The following PLCB1 variants were observed in gnomAD, a reference collection of about 807,000 sequenced individuals.
PLCB1 encodes 1-phosphatidylinositol 4,5-bisphosphate phosphodiesterase beta-1.
A neutral mutation model predicts 161.8 loss-of-function variants in PLCB1; 46 were observed. That is an observed-to-expected ratio of 0.28 (90% CI 0.22 to 0.36). PLCB1 has a LOEUF of 0.36. PLCB1 is among the 10% of genes least tolerant of loss of function. The pLI, the probability that PLCB1 is intolerant of heterozygous loss-of-function variation, is 1.00. For synonymous variants in PLCB1, 517 were observed against 503.7 expected (o/e 1.03, Z -0.35); for missense variants, 1,016 against 1,472.5 (o/e 0.69, Z 5.07).
At chr20:8,313,902 C>T (rs1984522111) in intron 2 of PLCB1, among the ~76,000 whole-genome samples, 1 of 152,130 alleles carries the variant, frequency 6.6e-6, no homozygotes, top group African/African-American at 2.4e-5. Context: ...ACTTTATAGT[C>T]ATGATTATTT....
chr20:8,744,988 G>A (rs930426842), intron 23 of PLCB1, among the ~76,000 whole-genome samples: 11 of 152,076 alleles, frequency 7.2e-5, no homozygotes, highest in African/African-American at 2.4e-4. Context: ...TGATCAGAAA[G>A]CATTTTTAGA....
intron 3 of PLCB1, among the ~76,000 whole-genome samples, chr20:8,548,068 A>C (rs3920503): frequency 0.076 from 11,289 of 148,780 alleles, 519 homozygotes; most frequent in East Asian, 0.17. Flanking sequence ...CTCCCTTCCT[A>C]CCTTCCTCCC....
intron 3 of PLCB1, among the ~76,000 whole-genome samples, chr20:8,397,301 A>T (rs1453811691): frequency 6.6e-6 from 1 of 152,100 alleles, no homozygotes; most frequent in Non-Finnish European, 1.5e-5. Flanking sequence ...ATACTCCAAG[A>T]TTATTAAAAT....
intron 2 of PLCB1, among the ~76,000 whole-genome samples, chr20:8,323,123 G>T (rs1984990257): frequency 6.6e-6 from 1 of 152,076 alleles, no homozygotes; most frequent in Admixed American, 6.6e-5. Flanking sequence ...GCATAAACTT[G>T]ATTATATGCA....
chr20:8,451,076 C>T (rs1452549829), intron 3 of PLCB1, among the ~76,000 whole-genome samples: 1 of 152,132 alleles, frequency 6.6e-6, no homozygotes, highest in East Asian at 1.9e-4. Context: ...TAAATCTTTA[C>T]AATAATATAT....
chr20:8,829,355 G>A (rs1001536956), intron 31 of PLCB1, among the ~76,000 whole-genome samples: 2 of 152,270 alleles, frequency 1.3e-5, no homozygotes, highest in East Asian at 1.9e-4. Context: ...GTGTGTGCCC[G>A]CTGACCTCCC....
chr20:8,587,382 G>A (rs1987022738), intron 3 of PLCB1, among the ~76,000 whole-genome samples: 1 of 152,042 alleles, frequency 6.6e-6, no homozygotes, highest in South Asian at 2.1e-4. Flanking sequence ...AGGGTGTGTG[G>A]CCATTTGACT....
At chr20:8,418,974 A>G (rs1254940098) in intron 3 of PLCB1, among the ~76,000 whole-genome samples, 1 of 152,178 alleles carries the variant, frequency 6.6e-6, no homozygotes, top group Non-Finnish European at 1.5e-5. Flanking sequence ...CTCAGTCTAT[A>G]TAAAATATTT....
At chr20:8,138,226 T>A (rs1305242515) in intron 1 of PLCB1, among the ~76,000 whole-genome samples, 1 of 152,258 alleles carries the variant, frequency 6.6e-6, no homozygotes, top group African/African-American at 2.4e-5. Context: ...TTAGTTTCAT[T>A]TGAAAGTTTA....
At chr20:8,217,547 G>A (rs559238996) in intron 2 of PLCB1, among the ~76,000 whole-genome samples, 1 of 152,238 alleles carries the variant, frequency 6.6e-6, no homozygotes, top group African/African-American at 2.4e-5. Flanking sequence ...GAATTTGTGA[G>A]ACTGTGATAT....
intron 31 of PLCB1, among the ~76,000 whole-genome samples, chr20:8,793,538 G>A (rs887265794): frequency 2.3e-5 from 2 of 85,996 alleles, no homozygotes. Flanking sequence ...GGTAGGATCC[G>A]TGATGCCCCC....
At chr20:8,444,425 C>A (rs1007053289) in intron 3 of PLCB1, among the ~76,000 whole-genome samples, 1 of 152,214 alleles carries the variant, frequency 6.6e-6, no homozygotes, top group African/African-American at 2.4e-5. Flanking sequence ...ATATGTGCCA[C>A]ATTTTCTTAA....
intron 2 of PLCB1, among the ~76,000 whole-genome samples, chr20:8,214,211 T>C (rs537905088): frequency 1.3e-5 from 2 of 152,218 alleles, no homozygotes; most frequent in East Asian, 1.9e-4. Context: ...TGGATCTGTG[T>C]CGCTGCACAA....
intron 9 of PLCB1, among the ~76,000 whole-genome samples, chr20:8,661,938 A>T (rs1397346566): frequency 2.8e-5 from 1 of 35,672 alleles, no homozygotes; most frequent in Non-Finnish European, 6.9e-5. Flanking sequence ...TCCTCTTAAA[A>T]GTGTATATAT....
At chr20:8,556,911 A>C (rs1251745549) in intron 3 of PLCB1, among the ~76,000 whole-genome samples, 2 of 151,716 alleles carry the variant, frequency 1.3e-5, no homozygotes, top group African/African-American at 2.4e-5. Context: ...ATCCCTCAGG[A>C]AATGTGAATC....
intron 3 of PLCB1, among the ~76,000 whole-genome samples, chr20:8,445,481 G>T (rs1362396334): frequency 1.3e-5 from 2 of 151,852 alleles, no homozygotes; most frequent in African/African-American, 4.8e-5. Flanking sequence ...CAGGTAGCAT[G>T]ATGCCTCCAG....
chr20:8,793,311 T>C (rs1983856394), intron 31 of PLCB1, among the ~76,000 whole-genome samples: 1 of 152,156 alleles, frequency 6.6e-6, no homozygotes, highest in South Asian at 2.1e-4. Flanking sequence ...GTAACCTTCT[T>C]ATGAAGAAGA....
intron 3 of PLCB1, among the ~76,000 whole-genome samples, chr20:8,565,293 C>A (rs1419114769): frequency 6.6e-6 from 1 of 151,956 alleles, no homozygotes; most frequent in Non-Finnish European, 1.5e-5. Context: ...ACAATGAGAA[C>A]ACACGGACAC....
chr20:8,823,636 A>T (rs544019963), intron 31 of PLCB1, among the ~76,000 whole-genome samples: 1 of 152,276 alleles, frequency 6.6e-6, no homozygotes, highest in South Asian at 2.1e-4. Context: ...CCATTTTTGA[A>T]CAAGGCCATT....
Sources: gnomAD v4.1 joint callset for allele counts (sites outside exome capture counted in the v4.1 genomes callset) on GRCh38, gnomAD v4.1.1 for gene constraint, MANE v1.5 for transcripts, NCBI Gene and HGNC (gene_info 2026-07-23, HGNC 2026-07-21) for gene names.